PPP2R2B: variants seen among roughly 807,000 people sequenced by gnomAD.
PPP2R2B encodes the protein protein phosphatase 2 regulatory subunit Bbeta.
PPP2R2B carries 5 observed loss-of-function variants against 46.0 expected under a neutral mutation model. The observed-to-expected ratio is 0.11, with a 90% CI of 0.06 to 0.23. PPP2R2B has a LOEUF of 0.23. Among genes scored for constraint, PPP2R2B ranks in the 10% least tolerant of loss-of-function variants. The pLI, the probability that PPP2R2B is intolerant of heterozygous loss-of-function variation, is 1.00. For missense variants in PPP2R2B, 367 were observed against 575.0 expected, an observed-to-expected ratio of 0.64 and a Z score of 3.70; for synonymous variants, 215 against 206.7, an observed-to-expected ratio of 1.04 and a Z score of -0.34.
chr5:146,848,623 A>G (rs1447359796), intron 2 of PPP2R2B, among the ~76,000 whole-genome samples: 1 of 152,068 alleles, frequency 6.6e-6, no homozygotes, highest in Non-Finnish European at 1.5e-5. Flanking sequence ...CTATATCAAC[A>G]TGCCTTATTT....
intron 2 of PPP2R2B, among the ~76,000 whole-genome samples, chr5:146,850,145 A>G (rs1333213250): frequency 6.6e-6 from 1 of 152,138 alleles, no homozygotes; most frequent in Non-Finnish European, 1.5e-5. Context: ...GAAGAGGTCT[A>G]TATTATACCA....
intron 1 of PPP2R2B, among the ~76,000 whole-genome samples, chr5:146,948,120 AC>A (rs1440416948): frequency 6.6e-6 from 1 of 151,888 alleles, no homozygotes; most frequent in Non-Finnish European, 1.5e-5. Flanking sequence ...AACCCTTAAC[AC>A]TTTATGCAAA....
intron 1 of PPP2R2B, among the ~76,000 whole-genome samples, chr5:146,942,976 C>G (rs1194584262): frequency 1.3e-5 from 2 of 151,918 alleles, no homozygotes; most frequent in Non-Finnish European, 2.9e-5. Flanking sequence ...TTTTTTTGTA[C>G]TTAGTAGAGA....
intron 1 of PPP2R2B, among the ~76,000 whole-genome samples, chr5:146,951,006 GGTCAAGCATCTAAAT>G (rs1561537156): frequency 1.2e-4 from 18 of 151,910 alleles, no homozygotes; most frequent in African/African-American, 3.9e-4. Flanking sequence ...GTAGAGATAA[GGTCAAGCATCTAAAT>G]TTGAGATTTT....
intron 2 of PPP2R2B, among the ~76,000 whole-genome samples, chr5:146,776,839 A>T (rs1462278357): frequency 6.6e-6 from 1 of 152,132 alleles, no homozygotes; most frequent in East Asian, 1.9e-4. Context: ...GGGCAAAGGA[A>T]TTGAATACAT....
At chr5:146,811,900 C>G (rs1040340732) in intron 2 of PPP2R2B, among the ~76,000 whole-genome samples, 1 of 151,960 alleles carries the variant, frequency 6.6e-6, no homozygotes, top group Non-Finnish European at 1.5e-5. Context: ...CACTATCACA[C>G]TAAAGCCTGG....
At chr5:146,782,432 G>A (rs754957320) in intron 2 of PPP2R2B, among the ~76,000 whole-genome samples, 1 of 152,128 alleles carries the variant, frequency 6.6e-6, no homozygotes, top group East Asian at 1.9e-4. Context: ...TTCCCCTAAA[G>A]CATCTGTTCC....
chr5:146,906,753 T>A (rs900101735), intron 1 of PPP2R2B, among the ~76,000 whole-genome samples: 2 of 152,228 alleles, frequency 1.3e-5, no homozygotes, highest in African/African-American at 4.8e-5. Context: ...TTTTAAATTA[T>A]GTACCTGGCT....
At chr5:146,676,093 A>G (rs1209270459) in intron 5 of PPP2R2B, among the ~76,000 whole-genome samples, 2 of 152,032 alleles carry the variant, frequency 1.3e-5, no homozygotes, top group East Asian at 3.9e-4. Flanking sequence ...TATTGAAACA[A>G]TGGCAGCTGG....
intron 2 of PPP2R2B, among the ~76,000 whole-genome samples, chr5:146,855,092 A>C (rs1005405860): frequency 1.3e-5 from 2 of 152,138 alleles, no homozygotes; most frequent in Admixed American, 1.3e-4. Flanking sequence ...AACATCATCA[A>C]GGGCAAACCA....
intron 7 of PPP2R2B, among the ~76,000 whole-genome samples, chr5:146,601,063 C>A (rs544749903): frequency 6.6e-6 from 1 of 152,266 alleles, no homozygotes; most frequent in East Asian, 1.9e-4. Context: ...GGACTGGCTC[C>A]TTTTACTTGG....
At chr5:146,631,624 T>C (rs1421567024) in intron 7 of PPP2R2B, among the ~76,000 whole-genome samples, 1 of 152,210 alleles carries the variant, frequency 6.6e-6, no homozygotes, top group Non-Finnish European at 1.5e-5. Context: ...AGACTGGCTT[T>C]TGAATAGGAA....
At chr5:146,745,250 G>A (rs978352218) in intron 2 of PPP2R2B, among the ~76,000 whole-genome samples, 2 of 151,870 alleles carry the variant, frequency 1.3e-5, no homozygotes, top group African/African-American at 4.8e-5. Context: ...CACTGGGTCA[G>A]CCAGTGGGCC....
chr5:146,854,718 C>A lies in PPP2R2B; in HGVS notation c.70+23284G>T, dbSNP rs188016404. On this transcript the variant is annotated intron_variant, in intron 2 of 9. Transcript: ENST00000394411. ...CACTCACCTTGTACCTCACACTGAT[C>A]GCTAAGCTGTGCACAATACTTATAT... is the stretch of plus-strand genomic sequence containing the variant. Among the ~76,000 whole-genome samples, 113 of 152,254 alleles carry A rather than the reference C, an allele frequency of 7.4e-4. 4 individuals are homozygous for A. The East Asian group carries it at 0.018, about 25-fold the overall frequency.
chr5:146,846,082 A>G (rs1287865874), intron 2 of PPP2R2B, among the ~76,000 whole-genome samples: 1 of 152,232 alleles, frequency 6.6e-6, no homozygotes, highest in Non-Finnish European at 1.5e-5. Context: ...TTAAAATATT[A>G]AAATTAATTT....
chr5:146,856,583 C>G, intron 2 of PPP2R2B: 1 of 1,609,420 alleles, frequency 6.2e-7, no homozygotes, highest in Non-Finnish European at 8.5e-7. Context: ...TCCCTTGGCT[C>G]CTGTGACAAA....
chr5:146,730,679 T>C (rs1275804632), intron 2 of PPP2R2B, among the ~76,000 whole-genome samples: 1 of 152,188 alleles, frequency 6.6e-6, no homozygotes, highest in Non-Finnish European at 1.5e-5. Flanking sequence ...TGCTTCTTCC[T>C]CATTTTCTCT....
chr5:147,025,741 C>G (rs1222985551), intron 1 of PPP2R2B, among the ~76,000 whole-genome samples: 1 of 151,844 alleles, frequency 6.6e-6, no homozygotes, highest in East Asian at 1.9e-4. Context: ...AGCAAACAAT[C>G]CAATTGAAAG....
At chr5:147,037,585 G>A (rs181772563) in intron 1 of PPP2R2B, among the ~76,000 whole-genome samples, 4 of 152,172 alleles carry the variant, frequency 2.6e-5, no homozygotes, top group African/African-American at 4.8e-5. Context: ...GTGTGTAAAA[G>A]TATGTGTTGA....
Sources: gnomAD v4.1 joint callset for allele counts (sites outside exome capture counted in the v4.1 genomes callset) on GRCh38, gnomAD v4.1.1 for gene constraint, MANE v1.5 for transcripts, NCBI Gene and HGNC (gene_info 2026-07-23, HGNC 2026-07-21) for gene names.